UNC5C: variants seen among roughly 807,000 people sequenced by gnomAD.
The protein encoded by UNC5C is netrin receptor UNC5C.
A neutral mutation model predicts 99.8 loss-of-function variants in UNC5C; 47 were observed. The observed-to-expected ratio is 0.47, with a 90% CI of 0.37 to 0.60. The LOEUF (loss-of-function observed/expected upper bound fraction) is 0.60, where lower values mean the gene tolerates loss of function less well. Ranked by LOEUF, UNC5C falls within the 20% of genes least tolerant of loss-of-function variation. The pLI is 0.00. For missense variants in UNC5C, 1,062 were observed against 1,165.9 expected, an observed-to-expected ratio of 0.91 and a Z score of 1.30; for synonymous variants, 487 against 452.2, an observed-to-expected ratio of 1.08 and a Z score of -0.98.
Position 95,357,948 on chromosome 4 carries a change from G to C in UNC5C, c.125-22317C>G, listed in dbSNP as rs190273502. On this transcript the variant is annotated intron_variant, in intron 1 of 15. Coordinates refer to ENST00000453304, the MANE Select transcript of UNC5C (RefSeq NM_003728.4). ...AATGGGATAATGCTATACATGTTCT[G>C]TGTCTTGACTACTGCTTTTTAAATA... 2.3e-3 allele frequency among the ~76,000 whole-genome samples: 348 copies of C among 152,186 alleles called. 1 individual carries two copies. Among genetic ancestry groups the C allele is most frequent in the African/African-American group, 7.4e-3 (306 of 41,526 alleles).
At chr4:95,535,170 A>C (rs1316974577) in intron 1 of UNC5C, among the ~76,000 whole-genome samples, 1 of 152,176 alleles carries the variant, frequency 6.6e-6, no homozygotes, top group Non-Finnish European at 1.5e-5. Context: ...CTTATTCATA[A>C]AACTGGAACA....
chr4:95,267,163 C>T (rs1431741802), intron 4 of UNC5C, among the ~76,000 whole-genome samples: 1 of 152,100 alleles, frequency 6.6e-6, no homozygotes, highest in South Asian at 2.1e-4. Flanking sequence ...AGACAAATAT[C>T]TGGGGCAAAG....
intron 1 of UNC5C, among the ~76,000 whole-genome samples, chr4:95,497,307 T>C (rs571264037): frequency 1.4e-4 from 22 of 151,974 alleles, no homozygotes; most frequent in Admixed American, 3.3e-4. Context: ...TAAAAGTGTC[T>C]GCTTTTAACC....
chr4:95,521,188 CTCT>C (rs1200853662), intron 1 of UNC5C, among the ~76,000 whole-genome samples: 13 of 146,490 alleles, frequency 8.9e-5, no homozygotes, highest in African/African-American at 1.3e-4. Context: ...GATCTAGTGT[CTCT>C]TCTTCTTCTT....
chr4:95,310,809 G>A (rs1432486488), intron 2 of UNC5C, among the ~76,000 whole-genome samples: 1 of 152,108 alleles, frequency 6.6e-6, no homozygotes, highest in Non-Finnish European at 1.5e-5. Flanking sequence ...CTGGGTTGGG[G>A]GGGGATTTCT....
chr4:95,289,013 A>G (rs1348093130), intron 3 of UNC5C, among the ~76,000 whole-genome samples: 1 of 152,186 alleles, frequency 6.6e-6, no homozygotes, highest in Admixed American at 6.5e-5. Flanking sequence ...GCTCTGCCAT[A>G]GTTTAATCCT....
rs765458013 is a variant in UNC5C, at chr4:95,206,704, A to G, written c.1826T>C (p.Met609Thr). ...GGTATTGGGGTCTGCGCAGTGATGCATAGTGAGGACGACTGGGCGGGTGAG... is the reference window on the plus strand; with the variant it reads ...GGTATTGGGGTCTGCGCAGTGATGCGTAGTGAGGACGACTGGGCGGGTGAG... Reference protein sequence around the residue: ...ALLTRPVVLTMHHCADPNTED... With the variant: ...ALLTRPVVLTTHHCADPNTED... The change falls in exon 11 of 16, where the codon ATG becomes ACG. Residue 609 changes from methionine (M) to threonine (T), a missense_variant. Met to Thr is a moderately conservative substitution (Grantham distance 81, BLOSUM62 -1). Around this residue, in one of 3 missense-constraint regions of UNC5C, gnomAD observed 810 missense variants for 854.5 expected, o/e 0.95. Coordinates refer to ENST00000453304, the MANE Select transcript of UNC5C (RefSeq NM_003728.4). 6.2e-7 allele frequency: 1 copy of G among 1,614,116 alleles called. No individual in the cohort carries two copies. The highest frequency in any genetic ancestry group is 8.5e-7 in the Non-Finnish European group (1 of 1,180,016).
chr4:95,332,172 T>A (rs1743139249), intron 2 of UNC5C, among the ~76,000 whole-genome samples: 1 of 152,094 alleles, frequency 6.6e-6, no homozygotes, highest in African/African-American at 2.4e-5. Context: ...TTCAGTGCCA[T>A]CCCCATCAAG....
At chr4:95,291,815 T>A (rs1741466347) in intron 3 of UNC5C, among the ~76,000 whole-genome samples, 1 of 152,218 alleles carries the variant, frequency 6.6e-6, no homozygotes, top group Non-Finnish European at 1.5e-5. Context: ...ATATATTTAA[T>A]CTTATCCAAT....
At chr4:95,536,084 T>TATATA (rs1478202884) in intron 1 of UNC5C, among the ~76,000 whole-genome samples, 5 of 113,940 alleles carry the variant, frequency 4.4e-5, no homozygotes, top group African/African-American at 1.7e-4. Context: ...ATATATATAT[T>TATATA]TTTTTTTTTT....
intron 1 of UNC5C, among the ~76,000 whole-genome samples, chr4:95,372,542 T>C (rs1197126855): frequency 6.6e-6 from 1 of 152,206 alleles, no homozygotes; most frequent in Non-Finnish European, 1.5e-5. Context: ...CTTCCTCTTA[T>C]TGTTATTCCA....
intron 12 of UNC5C, among the ~76,000 whole-genome samples, chr4:95,192,252 C>CTT (rs1737159099): frequency 7.0e-6 from 1 of 142,376 alleles, no homozygotes; most frequent in Admixed American, 7.0e-5. Flanking sequence ...CCCCTGTTCA[C>CTT]CCTCCTTTCC....
intron 2 of UNC5C, among the ~76,000 whole-genome samples, chr4:95,322,543 T>A (rs2149413719): frequency 6.6e-6 from 1 of 152,314 alleles, no homozygotes; most frequent in African/African-American, 2.4e-5. Flanking sequence ...TTACATATAT[T>A]ATATATACAT....
rs1459817360 is a variant in UNC5C at position 95,192,501 on chromosome 4, TCTCCTCCCCTGCTCAC to T, written c.2137-7321_2137-7306del. ...CTTCTCACCTCTTCCCCTTCTCACC[TCTCCTCCCCTGCTCAC>T]CTCCTCCCCTGCTCATCTTCCTCTC... On this transcript the variant is annotated intron_variant, in intron 12 of 15. Coordinates refer to ENST00000453304, the MANE Select transcript of UNC5C (RefSeq NM_003728.4). Among the ~76,000 whole-genome samples, 14 of 54,442 alleles carry T rather than the reference TCTCCTCCCCTGCTCAC, an allele frequency of 2.6e-4. No individual in the cohort carries two copies. In the East Asian group the frequency reaches 7.8e-3, roughly 30 times the overall value. 35.7% of individuals were successfully genotyped at this position (54,442 alleles called of 152,430 possible). A position where few individuals can be genotyped will look rare whatever the true frequency, so the allele number is the denominator to read the frequency against.
At chr4:95,502,838 A>G (rs935995559) in intron 1 of UNC5C, among the ~76,000 whole-genome samples, 1 of 152,184 alleles carries the variant, frequency 6.6e-6, no homozygotes, top group Admixed American at 6.6e-5. Flanking sequence ...GGTATTAACT[A>G]TTACCATAAT....
At position 95,250,581 on chromosome 4, in the gene UNC5C, C is replaced by G; in HGVS notation, c.681G>C (p.Lys227Asn). The change falls in exon 5 of 16, where the codon AAG becomes AAC. Residue 227 changes from lysine to asparagine, a missense_variant. This residue lies in a region of UNC5C where 249 missense variants were observed against 295.1 expected (regional missense o/e 0.84). Coordinates refer to ENST00000453304, the MANE Select transcript of UNC5C (RefSeq NM_003728.4). ...YITIDHNLII[K>N]QARLSDTANY... ...TTGCAGTATCAGAGAGTCGGGCCTG[C>G]TTTATGATGAGGTTGTGATCAATAG... 6.2e-7 allele frequency: 1 copy of G among 1,613,966 alleles called. No homozygotes were observed.
At chr4:95,252,872 C>A (rs1579269357) in intron 4 of UNC5C, among the ~76,000 whole-genome samples, 3 of 152,310 alleles carry the variant, frequency 2.0e-5, no homozygotes, top group African/African-American at 7.2e-5. Context: ...CCTTTGCTTT[C>A]TGATGGTTCA....
chr4:95,439,188 A>G (rs79113175), intron 1 of UNC5C, among the ~76,000 whole-genome samples: 2,365 of 152,268 alleles, frequency 0.016, 63 homozygotes, highest in African/African-American at 0.053. Flanking sequence ...TCCATTATAA[A>G]CAATCTGCTT....
chr4:95,339,029 T>C (rs944695824), intron 1 of UNC5C, among the ~76,000 whole-genome samples: 18 of 152,052 alleles, frequency 1.2e-4, no homozygotes, highest in Middle Eastern at 3.2e-3. Context: ...GTCAGGTAAA[T>C]GAGCATCTCA....
Sources: allele counts gnomAD v4.1 joint callset (sites outside exome capture counted in the v4.1 genomes callset), GRCh38; gene constraint gnomAD v4.1.1; regional missense constraint gnomAD v4.1.1; transcripts MANE v1.5; gene names NCBI Gene and HGNC (gene_info 2026-07-23, HGNC 2026-07-21).